Variants in C12orf56 observed in about 807,000 individuals in gnomAD.
The protein encoded by C12orf56 is uncharacterized protein C12orf56.
Under a neutral mutation model 69.9 loss-of-function variants are expected in C12orf56, and 71 were observed. The observed-to-expected ratio is 1.02, with a 90% CI of 0.84 to 1.24. C12orf56 has a LOEUF of 1.24. Ranked by LOEUF, C12orf56 falls within the 50% of genes most tolerant of loss-of-function variation. The pLI, the probability that C12orf56 is intolerant of heterozygous loss-of-function variation, is 0.00. For missense variants in C12orf56, 732 were observed against 738.5 expected (o/e 0.99, Z 0.10); for synonymous variants, 276 against 274.1 (o/e 1.01, Z -0.07).
intron 9 of C12orf56, 27 bp downstream of exon 9, chr12:64,277,653 A>G: frequency 7.4e-7 from 1 of 1,355,272 alleles, no homozygotes; most frequent in South Asian, 1.8e-5. Context: ...TATATATAAT[A>G]GTTTACCCCC....
intron 1 of C12orf56, among the ~76,000 whole-genome samples, chr12:64,379,924 A>C (rs1230218435): frequency 2.0e-5 from 2 of 101,384 alleles, no homozygotes; most frequent in African/African-American, 6.0e-5. Context: ...TCCACTAAAA[A>C]TACAAAAAAA....
At chr12:64,300,838 C>T (rs1200800515) in intron 6 of C12orf56, among the ~76,000 whole-genome samples, 1 of 152,196 alleles carries the variant, frequency 6.6e-6, no homozygotes, top group East Asian at 1.9e-4. Context: ...CAGTGCCCAC[C>T]TTATCCAGAT....
intron 1 of C12orf56, among the ~76,000 whole-genome samples, chr12:64,364,636 G>A (rs1425815642): frequency 6.6e-6 from 1 of 152,116 alleles, no homozygotes; most frequent in African/African-American, 2.4e-5. Flanking sequence ...AAAGGACACT[G>A]TCAGTTTGTA....
At chr12:64,380,733 C>T (rs182634175) in intron 1 of C12orf56, among the ~76,000 whole-genome samples, 1 of 152,074 alleles carries the variant, frequency 6.6e-6, no homozygotes, top group Non-Finnish European at 1.5e-5. Context: ...CTAAGGATCT[C>T]GAGTGTTCTA....
rs778417553 is a variant in C12orf56 at position 64,285,968 on chromosome 12, C to A, written c.1206G>T (p.Arg402Ser). The A allele has an allele frequency of 1.2e-5, 19 of 1,600,552 alleles. No individual in the cohort carries two copies. The highest frequency in any genetic ancestry group is 2.2e-5 in the South Asian group (2 of 89,550). Residue 402 changes from arginine to serine, a missense_variant, in exon 7 of 13, where the codon AGG (arginine) becomes AGT (serine). By Grantham distance (110) the Arg-to-Ser change is moderately radical. Transcript: ENST00000543942. ...DKNALQNQSQ[R>S]VDELVACIEI... ...TTAGTACTTACACCAGCTCATCAACCCTTTGGCTTTGATTTTGTAGTGCAT... is the reference window on the plus strand; with the variant it reads ...TTAGTACTTACACCAGCTCATCAACACTTTGGCTTTGATTTTGTAGTGCAT...
rs1008110031 is a variant in C12orf56, at chr12:64,265,244, A to G, written c.*1939T>C. 1 of 152,194 alleles carries G rather than the reference A, an allele frequency of 6.6e-6. No homozygotes were observed. 9.4% of individuals were successfully genotyped at this position (152,194 alleles called of 1,614,324 possible). On this transcript the variant is annotated 3_prime_UTR_variant, in exon 13 of 13. Transcript: ENST00000543942. Reference sequence around the variant, plus strand: ...TAATCCCCCATCTAACAGCCAGGACACTCAAAAACACCATTTTGCTCCTCT... The same window carrying G: ...TAATCCCCCATCTAACAGCCAGGACGCTCAAAAACACCATTTTGCTCCTCT...
intron 2 of C12orf56, among the ~76,000 whole-genome samples, chr12:64,341,471 T>C (rs1026800218): frequency 2.0e-5 from 3 of 152,162 alleles, no homozygotes; most frequent in Non-Finnish European, 4.4e-5. Context: ...CATCCCACCA[T>C]TCTATCAATC....
chr12:64,271,515 A>G (rs4763009), intron 11 of C12orf56, among the ~76,000 whole-genome samples: 106,971 of 152,048 alleles, frequency 0.7, 38,813 homozygotes, highest in Non-Finnish European at 0.8. Flanking sequence ...AGAAAAGAAC[A>G]CTAGTGCCTT....
chr12:64,310,045 T>G (rs2038585808), intron 5 of C12orf56, among the ~76,000 whole-genome samples: 2 of 151,208 alleles, frequency 1.3e-5, no homozygotes, highest in African/African-American at 2.4e-5. Flanking sequence ...TTAGAAATGG[T>G]CTCTCTCTGT....
At position 64,268,632 on chromosome 12, in the gene C12orf56, T is replaced by C. The variant is rs780281108; in HGVS notation, c.1764-1344A>G. Among the ~76,000 whole-genome samples the C allele has an allele frequency of 2.6e-5, 4 of 152,188 alleles. No individual in the cohort carries two copies. In the East Asian group the frequency reaches 7.7e-4, roughly 29 times the overall value. ...AAAATGGTGTGCAATTAGATAGTTATGACAGTTGCAAAATATGGTGAATTT... is the reference window on the plus strand; with the variant it reads ...AAAATGGTGTGCAATTAGATAGTTACGACAGTTGCAAAATATGGTGAATTT... On this transcript the variant is annotated intron_variant, in intron 12 of 12. Coordinates refer to ENST00000543942, the MANE Select transcript of C12orf56 (RefSeq NM_001170633.2).
Position 64,378,440 on chromosome 12 carries a change from CT to C in C12orf56, c.252+11873del, listed in dbSNP as rs532430643. On this transcript the variant is annotated intron_variant, in intron 1 of 12. Transcript: ENST00000543942. The stretch of plus-strand genomic sequence containing the variant: ...TGACTAAGTATCCCATATCTTGGGA[CT>C]TTTTTTTTTTTTGAGATGGAGTCCT... Among the ~76,000 whole-genome samples, 433 of 144,550 alleles carry C rather than the reference CT, an allele frequency of 3.0e-3. 1 individual carries two copies. Among genetic ancestry groups the C allele is most frequent in the African/African-American group, 4.2e-3 (167 of 39,858 alleles). The allele number at this position is 144,550 out of a possible 152,430, so 94.8% of individuals were successfully genotyped here.
At chr12:64,311,549 T>G (rs2038617410) in intron 5 of C12orf56, among the ~76,000 whole-genome samples, 1 of 152,128 alleles carries the variant, frequency 6.6e-6, no homozygotes, top group Admixed American at 6.5e-5. Context: ...CTTGATGAGT[T>G]GAAGTTATTC....
rs2038477857 is a variant in C12orf56 at position 64,303,755 on chromosome 12, G to A, written c.993C>T (p.Phe331=). 1 of 1,587,734 alleles carries A rather than the reference G, an allele frequency of 6.3e-7. No individual in the cohort carries two copies. Among genetic ancestry groups the A allele is most frequent in the Non-Finnish European group, 8.6e-7 (1 of 1,169,432 alleles). The change falls in exon 6 of 13, where the codon TTC becomes TTT. Residue 331 remains phenylalanine (F), a synonymous_variant. Coordinates refer to ENST00000543942, the MANE Select transcript of C12orf56 (RefSeq NM_001170633.2). The stretch of plus-strand genomic sequence containing the variant: ...GAAAAAGTTCAGATTTAAGTTGACT[G>A]AAGTGCTTAATTTTCTCCTCAGACC... ...PYRSEEKIKH[F]SQLKSELFLK... is the part of the protein sequence containing the mutation.
intron 2 of C12orf56, among the ~76,000 whole-genome samples, chr12:64,347,711 AGGATAAGCAC>A (rs1246818985): frequency 3.3e-5 from 5 of 152,204 alleles, no homozygotes; most frequent in Admixed American, 6.5e-5. Context: ...GACCTAAGGA[AGGATAAGCAC>A]TTGGATCAAA....
intron 5 of C12orf56, among the ~76,000 whole-genome samples, chr12:64,305,278 G>A (rs781310345): frequency 2.6e-5 from 4 of 152,080 alleles, no homozygotes; most frequent in African/African-American, 7.2e-5. Context: ...ACTCAGTTAG[G>A]TCATTATCAT....
chr12:64,330,135 T>C (rs992198094), intron 3 of C12orf56, among the ~76,000 whole-genome samples: 3 of 152,164 alleles, frequency 2.0e-5, no homozygotes, highest in Admixed American at 1.3e-4. Flanking sequence ...TAGTTTACGT[T>C]CCACCAACAG....
chr12:64,382,432 C>T (rs2039732100), intron 1 of C12orf56, among the ~76,000 whole-genome samples: 1 of 151,876 alleles, frequency 6.6e-6, no homozygotes, highest in Non-Finnish European at 1.5e-5. Context: ...CATAGTGTGC[C>T]TTAATAGACT....
Position 64,318,853 on chromosome 12 carries a change from G to A in C12orf56, c.616C>T (p.Gln206Ter). ...PLPSPSRRSS[Q>*]SAPTTGKAVS... ...GCCTTGCCAGTTGTTGGTGCAGACTGAGAGCTCCTCCTGGAGGGGGAAGGT... is the reference window on the plus strand; with the variant it reads ...GCCTTGCCAGTTGTTGGTGCAGACTAAGAGCTCCTCCTGGAGGGGGAAGGT... The change falls in exon 4 of 13, where the codon CAG becomes TAG. Residue 206 changes from glutamine (Q) to a stop codon, truncating the protein, a stop_gained. Transcript: ENST00000543942. LOFTEE classifies it high-confidence loss of function. The A allele has an allele frequency of 6.5e-7, 1 of 1,537,218 alleles. No individual in the cohort carries two copies. Among genetic ancestry groups the A allele is most frequent in the Non-Finnish European group, 8.7e-7 (1 of 1,146,916 alleles).
intron 1 of C12orf56, among the ~76,000 whole-genome samples, chr12:64,389,777 G>A (rs746673912): frequency 7.2e-5 from 11 of 152,202 alleles, no homozygotes; most frequent in Non-Finnish European, 1.6e-4. Context: ...GATTATAGGC[G>A]TGATCCACGG....
Sources: allele counts gnomAD v4.1 joint callset (sites outside exome capture counted in the v4.1 genomes callset), GRCh38; gene constraint gnomAD v4.1.1; transcripts MANE v1.5; gene names NCBI Gene and HGNC (gene_info 2026-07-23, HGNC 2026-07-21).